The following CDYL2 variants were observed in gnomAD, a reference collection of about 807,000 sequenced individuals.
The protein encoded by CDYL2 is chromodomain Y like 2.
A neutral mutation model predicts 49.4 loss-of-function variants in CDYL2; 23 were observed. The ratio of observed to expected loss-of-function variants is 0.47; its 90% CI spans 0.34 to 0.66. CDYL2 has a LOEUF of 0.66. Ranked by LOEUF, CDYL2 falls within the 30% of genes least tolerant of loss-of-function variation. CDYL2 has a pLI of 0.01. For missense variants in CDYL2, 678 were observed against 656.4 expected, an observed-to-expected ratio of 1.03 and a Z score of -0.36; for synonymous variants, 360 against 268.8, an observed-to-expected ratio of 1.34 and a Z score of -3.32.
At chr16:80,732,271 T>C (rs754564772) in intron 1 of CDYL2, among the ~76,000 whole-genome samples, 10 of 152,162 alleles carry the variant, frequency 6.6e-5, no homozygotes, top group Non-Finnish European at 8.8e-5. Context: ...GAGAGTATCA[T>C]AGTTTAATGG....
chr16:80,803,311 G>A (rs1403747567), intron 1 of CDYL2, among the ~76,000 whole-genome samples: 1 of 152,210 alleles, frequency 6.6e-6, no homozygotes, highest in Non-Finnish European at 1.5e-5. Context: ...CTACTCATTA[G>A]GACCTGGAGC....
intron 2 of CDYL2, among the ~76,000 whole-genome samples, chr16:80,666,042 G>T (rs1166782331): frequency 1.3e-5 from 2 of 152,164 alleles, no homozygotes; most frequent in African/African-American, 4.8e-5. Flanking sequence ...AGCGGAGTCT[G>T]ACAAAGGAGA....
At chr16:80,791,234 C>A (rs936925917) in intron 1 of CDYL2, among the ~76,000 whole-genome samples, 1 of 152,134 alleles carries the variant, frequency 6.6e-6, no homozygotes, top group African/African-American at 2.4e-5. Context: ...GAAACACATT[C>A]AAGAATTAAG....
intron 4 of CDYL2, among the ~76,000 whole-genome samples, chr16:80,619,951 C>A (rs1346285417): frequency 1.3e-5 from 2 of 152,170 alleles, no homozygotes; most frequent in African/African-American, 4.8e-5. Context: ...CCCAGAAAAT[C>A]CCTGACTTGT....
At chr16:80,750,286 A>G (rs1404026635) in intron 1 of CDYL2, among the ~76,000 whole-genome samples, 1 of 151,994 alleles carries the variant, frequency 6.6e-6, no homozygotes, top group Non-Finnish European at 1.5e-5. Flanking sequence ...AAGTACAAAA[A>G]GCAAAAAACA....
At chr16:80,700,525 T>A (rs1904294978) in intron 1 of CDYL2, among the ~76,000 whole-genome samples, 1 of 151,850 alleles carries the variant, frequency 6.6e-6, no homozygotes, top group African/African-American at 2.4e-5. Flanking sequence ...AAATACAAAT[T>A]CAAATAAATA....
Position 80,603,957 on chromosome 16 carries a change from GT to G in CDYL2, c.*430del, listed in dbSNP as rs1371478177. 5 of 167,516 alleles carry G rather than the reference GT, an allele frequency of 3.0e-5. No homozygotes were observed. Among genetic ancestry groups the G allele is most frequent in the African/African-American group, 1.2e-4 (5 of 41,962 alleles). 10.4% of individuals were successfully genotyped at this position (167,516 alleles called of 1,614,324 possible). Reference sequence around the variant, plus strand: ...GTCTGGAAATTCCCTAAGATTGGTCGTCCTCTGACACCCGATCTAAATACAA... The same window carrying G: ...GTCTGGAAATTCCCTAAGATTGGTCGCCTCTGACACCCGATCTAAATACAA... On this transcript the variant is annotated 3_prime_UTR_variant, in exon 7 of 7. Coordinates refer to ENST00000570137, the MANE Select transcript of CDYL2 (RefSeq NM_152342.4).
intron 3 of CDYL2, among the ~76,000 whole-genome samples, chr16:80,630,255 A>C (rs1907499827): frequency 1.3e-5 from 2 of 152,196 alleles, no homozygotes; most frequent in Admixed American, 1.3e-4. Flanking sequence ...TTAGGGCAGG[A>C]ACCCCAATTA....
chr16:80,749,338 G>A (rs563351483), intron 1 of CDYL2, among the ~76,000 whole-genome samples: 132 of 152,178 alleles, frequency 8.7e-4, no homozygotes, highest in African/African-American at 3.1e-3. Context: ...ACCTGCCTAT[G>A]GTAGTCACAA....
intron 4 of CDYL2, among the ~76,000 whole-genome samples, chr16:80,619,252 A>G (rs1211458207): frequency 1.3e-5 from 2 of 152,134 alleles, no homozygotes; most frequent in Admixed American, 6.5e-5. Context: ...GAACTTAATC[A>G]CATCTGCAAA....
rs529777058 is a variant in CDYL2 at position 80,768,252 on chromosome 16, C to CCT, written c.24+35896_24+35897dup. The stretch of plus-strand genomic sequence containing the variant: ...CGAAACTTGGAATTCCCCTCCATTC[C>CCT]CTCTCTCTCTCCCTATTCACTGGCC... On this transcript the variant is annotated intron_variant, in intron 1 of 6. Coordinates refer to ENST00000570137, the MANE Select transcript of CDYL2 (RefSeq NM_152342.4). Among the ~76,000 whole-genome samples, 66 of 152,054 alleles carry CCT rather than the reference C, an allele frequency of 4.3e-4. No homozygotes were observed. In the Middle Eastern group the frequency reaches 0.01, roughly 24 times the overall value.
At chr16:80,757,698 A>G (rs1906362234) in intron 1 of CDYL2, among the ~76,000 whole-genome samples, 1 of 151,928 alleles carries the variant, frequency 6.6e-6, no homozygotes, top group African/African-American at 2.4e-5. Context: ...TATTCATAAT[A>G]ACAACAAAAG....
chr16:80,773,207 T>C (rs28836479), intron 1 of CDYL2, among the ~76,000 whole-genome samples: 10,771 of 152,194 alleles, frequency 0.071, 468 homozygotes, highest in African/African-American at 0.12. Context: ...AGTTAGAAAG[T>C]GGAATTTTTT....
chr16:80,624,193 C>T (rs886689303), intron 3 of CDYL2, among the ~76,000 whole-genome samples: 1 of 152,204 alleles, frequency 6.6e-6, no homozygotes, highest in South Asian at 2.1e-4. Flanking sequence ...AAGGTACAGG[C>T]TTTGGAGACA....
At chr16:80,759,101 A>AAT (rs1906421754) in intron 1 of CDYL2, among the ~76,000 whole-genome samples, 1 of 29,314 alleles carries the variant, frequency 3.4e-5, no homozygotes, top group East Asian at 1.8e-3. Context: ...CAAACCATAT[A>AAT]CTATATATAT....
intron 1 of CDYL2, among the ~76,000 whole-genome samples, chr16:80,758,017 A>G (rs1198808715): frequency 6.6e-6 from 1 of 152,202 alleles, no homozygotes; most frequent in East Asian, 1.9e-4. Flanking sequence ...ATAAATAAAT[A>G]AATAAAATAA....
chr16:80,681,683 C>T (rs1462127899), intron 2 of CDYL2, among the ~76,000 whole-genome samples: 3 of 152,144 alleles, frequency 2.0e-5, no homozygotes, highest in African/African-American at 7.2e-5. Context: ...CACGAGTGAC[C>T]ACAGAAGACG....
chr16:80,776,329 C>G (rs1907081332), intron 1 of CDYL2, among the ~76,000 whole-genome samples: 1 of 152,014 alleles, frequency 6.6e-6, no homozygotes, highest in Admixed American at 6.6e-5. Flanking sequence ...TTTGGTGAAT[C>G]TGTTATAATC....
At chr16:80,731,672 G>C (rs1432826354) in intron 1 of CDYL2, among the ~76,000 whole-genome samples, 2 of 152,106 alleles carry the variant, frequency 1.3e-5, no homozygotes, top group Non-Finnish European at 2.9e-5. Context: ...ATTGAACACT[G>C]GAAGCAATCT....
Sources: allele counts gnomAD v4.1 joint callset (sites outside exome capture counted in the v4.1 genomes callset), GRCh38; gene constraint gnomAD v4.1.1; transcripts MANE v1.5; gene names NCBI Gene and HGNC (gene_info 2026-07-23, HGNC 2026-07-21).